CNTN5: variants seen among roughly 807,000 people sequenced by gnomAD.
CNTN5 encodes the protein contactin 5, also known as contactin-5.
CNTN5 carries 77 observed loss-of-function variants against 129.1 expected under a neutral mutation model. That is an observed-to-expected ratio of 0.60 (90% CI 0.50 to 0.72). The LOEUF is 0.72. CNTN5 is among the 30% of genes least tolerant of loss of function. The probability of loss-of-function intolerance (pLI) is 0.00; values close to 1 mark genes in which losing one functional copy is unlikely to be tolerated. For missense variants in CNTN5, 1,478 were observed against 1,328.8 expected, an observed-to-expected ratio of 1.11 and a Z score of -1.75; for synonymous variants, 509 against 465.6, an observed-to-expected ratio of 1.09 and a Z score of -1.20.
chr11:100,290,288 T>C (rs1950928742), intron 18 of CNTN5, among the ~76,000 whole-genome samples: 1 of 152,176 alleles, frequency 6.6e-6, no homozygotes, highest in Non-Finnish European at 1.5e-5. Flanking sequence ...AAAAAGAGCC[T>C]GCATTGCTAA....
chr11:99,372,510 C>G (rs747795388), intron 2 of CNTN5, among the ~76,000 whole-genome samples: 4 of 152,046 alleles, frequency 2.6e-5, no homozygotes, highest in Admixed American at 2.6e-4. Context: ...CCTGGCACAA[C>G]GGACAACCTC....
At position 100,255,779 on chromosome 11, in the gene CNTN5, G is replaced by C. The variant is rs1950053377; in HGVS notation, c.2025G>C (p.Gly675=). 1.2e-6 allele frequency: 2 copies of C among 1,613,744 alleles called. No individual in the cohort carries two copies. Among genetic ancestry groups the C allele is most frequent in the South Asian group, 1.1e-5 (1 of 91,074 alleles). The change falls in exon 17 of 25, where the codon GGG becomes GGC. Residue 675 remains glycine (G), a synonymous_variant. Coordinates refer to ENST00000524871, the MANE Select transcript of CNTN5 (RefSeq NM_014361.4). ...CTATAGGACCCCCAGGCCCACCTGG[G>C]ATAGTAATTGTTGAGGAAATAACCG... ...LLVRGPPGPP[G]IVIVEEITES...
rs190790795 is a variant in CNTN5, at chr11:99,508,255, T to A, written c.-70-47890T>A. ...TCATAAGCTTTCTGAGTAATTAATT[T>A]GTATAAAATACCTAGGTTCATGACT... is the stretch of plus-strand genomic sequence containing the variant. On this transcript the variant is annotated intron_variant, in intron 2 of 24. Coordinates refer to ENST00000524871, the MANE Select transcript of CNTN5 (RefSeq NM_014361.4). Among the ~76,000 whole-genome samples the A allele has an allele frequency of 3.3e-5, 5 of 152,320 alleles. No individual in the cohort carries two copies. The East Asian group carries it at 9.6e-4, about 29-fold the overall frequency.
chr11:99,025,868 A>AT (rs892092400), intron 1 of CNTN5, among the ~76,000 whole-genome samples: 5 of 151,520 alleles, frequency 3.3e-5, no homozygotes, highest in East Asian at 1.9e-4. Flanking sequence ...AGTATTAAGG[A>AT]TTTTTTTCTG....
chr11:99,158,986 T>C (rs911747338), intron 1 of CNTN5, among the ~76,000 whole-genome samples: 9 of 152,172 alleles, frequency 5.9e-5, no homozygotes, highest in Admixed American at 3.3e-4. Flanking sequence ...TAATTATAGA[T>C]GTAGAATTAA....
At chr11:99,939,998 A>G (rs1384985411) in intron 7 of CNTN5, among the ~76,000 whole-genome samples, 1 of 152,178 alleles carries the variant, frequency 6.6e-6, no homozygotes, top group East Asian at 1.9e-4. Context: ...TCACTTCTGG[A>G]TTAGTTCTCA....
intron 1 of CNTN5, among the ~76,000 whole-genome samples, chr11:99,194,122 G>T (rs922497904): frequency 1.3e-5 from 2 of 152,078 alleles, no homozygotes; most frequent in South Asian, 4.1e-4. Flanking sequence ...ATTTAGAGCT[G>T]AATTTACAGA....
At chr11:99,667,355 T>C (rs73551451) in intron 3 of CNTN5, among the ~76,000 whole-genome samples, 3,949 of 152,298 alleles carry the variant, frequency 0.026, 182 homozygotes, top group African/African-American at 0.09. Context: ...TCCTGAGTTA[T>C]GTATAATAAA....
intron 8 of CNTN5, among the ~76,000 whole-genome samples, chr11:99,959,703 CTA>C (rs1430951787): frequency 1.3e-5 from 2 of 151,960 alleles, no homozygotes; most frequent in African/African-American, 4.8e-5. Context: ...TTGAGAAGTA[CTA>C]TATAAAAGGC....
At chr11:100,029,536 T>C (rs1941597982) in intron 9 of CNTN5, among the ~76,000 whole-genome samples, 1 of 151,978 alleles carries the variant, frequency 6.6e-6, no homozygotes, top group South Asian at 2.1e-4. Context: ...TGAGCCGAGA[T>C]GGCGCCACTG....
At chr11:99,606,875 T>A (rs1053650666) in intron 3 of CNTN5, among the ~76,000 whole-genome samples, 8 of 132,158 alleles carry the variant, frequency 6.1e-5, no homozygotes, top group Non-Finnish European at 1.2e-4. Flanking sequence ...TAAATGGTGC[T>A]GGGAAAACTG....
intron 1 of CNTN5, among the ~76,000 whole-genome samples, chr11:99,114,634 A>T (rs754017472): frequency 6.6e-6 from 1 of 152,180 alleles, no homozygotes; most frequent in Non-Finnish European, 1.5e-5. Flanking sequence ...TCCATTAATT[A>T]TCTTCTTTTT....
chr11:100,337,802 G>C (rs1952065854), intron 21 of CNTN5, among the ~76,000 whole-genome samples: 2 of 152,206 alleles, frequency 1.3e-5, no homozygotes, highest in African/African-American at 2.4e-5. Flanking sequence ...GAAGCTCAGA[G>C]GGAGATGGGC....
chr11:99,451,980 C>T (rs1944319398), intron 2 of CNTN5, among the ~76,000 whole-genome samples: 1 of 151,934 alleles, frequency 6.6e-6, no homozygotes, highest in Admixed American at 6.6e-5. Flanking sequence ...AGAAATTGCT[C>T]CGAAGTACAA....
intron 1 of CNTN5, among the ~76,000 whole-genome samples, chr11:99,324,863 G>A (rs964578885): frequency 2.0e-5 from 3 of 152,042 alleles, no homozygotes; most frequent in South Asian, 4.1e-4. Context: ...GGATGGTCTC[G>A]ATCTCCTGAC....
chr11:100,144,167 GTT>G (rs1409134025), intron 13 of CNTN5, among the ~76,000 whole-genome samples: 1 of 152,110 alleles, frequency 6.6e-6, no homozygotes, highest in East Asian at 1.9e-4. Context: ...TCAATATAAT[GTT>G]AATGTGTTCT....
chr11:99,548,528 A>ATTTT (rs1487606678), intron 2 of CNTN5, among the ~76,000 whole-genome samples: 1 of 152,056 alleles, frequency 6.6e-6, no homozygotes, highest in African/African-American at 2.4e-5. Context: ...GCTGAGACTT[A>ATTTT]TTTTTCTTCA....
chr11:100,292,719 C>G (rs777315465), intron 18 of CNTN5, among the ~76,000 whole-genome samples: 1 of 151,928 alleles, frequency 6.6e-6, no homozygotes, highest in Non-Finnish European at 1.5e-5. Flanking sequence ...TTTAAGACAG[C>G]ATTACTTGTG....
intron 7 of CNTN5, among the ~76,000 whole-genome samples, chr11:99,922,553 A>G (rs1404393337): frequency 6.6e-6 from 1 of 152,184 alleles, no homozygotes; most frequent in Non-Finnish European, 1.5e-5. Context: ...GTTTCATCCA[A>G]ATAGTCATGT....
Sources: gnomAD v4.1 joint callset for allele counts (sites outside exome capture counted in the v4.1 genomes callset) on GRCh38, gnomAD v4.1.1 for gene constraint, MANE v1.5 for transcripts, NCBI Gene and HGNC (gene_info 2026-07-23, HGNC 2026-07-21) for gene names.